MEF2A: variants seen among roughly 807,000 people sequenced by gnomAD.
MEF2A encodes the protein myocyte-specific enhancer factor 2A.
Under a neutral mutation model 55.8 loss-of-function variants are expected in MEF2A, and 28 were observed. The observed-to-expected ratio is 0.50, with a 90% CI of 0.37 to 0.69. The LOEUF (loss-of-function observed/expected upper bound fraction) is 0.69, where lower values mean the gene tolerates loss of function less well. MEF2A is among the 30% of genes least tolerant of loss of function. MEF2A has a pLI of 0.00. For synonymous variants in MEF2A, 239 were observed against 227.1 expected (o/e 1.05, Z -0.47); for missense variants, 528 against 626.2 (o/e 0.84, Z 1.67).
chr15:99,674,634 G>T (rs1192303684), intron 6 of MEF2A, 22 bp downstream of exon 6: 15 of 1,571,456 alleles, frequency 9.5e-6, no homozygotes, highest in Non-Finnish European at 1.3e-5. Context: ...TACCTATTAT[G>T]CTGGTTCTTT....
Position 99,687,073 on chromosome 15 carries a change from TATTA to T in MEF2A, c.671-3164_671-3161del, listed in dbSNP as rs1393466484. Among the ~76,000 whole-genome samples the T allele has an allele frequency of 6.8e-5, 10 of 148,032 alleles. 1 individual carries two copies. Among genetic ancestry groups the T allele is most frequent in the African/African-American group, 2.5e-4 (10 of 40,532 alleles). On this transcript the variant is annotated intron_variant, in intron 7 of 11. Transcript: ENST00000557942. ...ACTACAGGTGCACACCACCATGTCC[TATTA>T]ATTTTTCTTTTTTTTTTTTTTTTTT...
At chr15:99,608,577 A>G (rs1032062229) in intron 2 of MEF2A, among the ~76,000 whole-genome samples, 5 of 152,178 alleles carry the variant, frequency 3.3e-5, no homozygotes, top group Admixed American at 1.3e-4. Flanking sequence ...TATTTTACCT[A>G]AAACATAAGA....
chr15:99,656,521 A>G (rs972915528), intron 4 of MEF2A, among the ~76,000 whole-genome samples: 2 of 152,098 alleles, frequency 1.3e-5, no homozygotes, highest in African/African-American at 4.8e-5. Flanking sequence ...TTGAATAGAA[A>G]TGCTGGCAGC....
intron 2 of MEF2A, among the ~76,000 whole-genome samples, chr15:99,622,020 G>GT (rs1396381054): frequency 2.6e-5 from 4 of 152,098 alleles, no homozygotes; most frequent in Admixed American, 2.6e-4. Context: ...TAAGCAACAA[G>GT]TTTCTTTAAA....
intron 1 of MEF2A, among the ~76,000 whole-genome samples, chr15:99,581,191 T>C (rs1446845035): frequency 6.6e-6 from 1 of 152,170 alleles, no homozygotes; most frequent in African/African-American, 2.4e-5. Context: ...GAGTAAGAAA[T>C]AGACTTAACT....
At chr15:99,602,034 C>A (rs1383046595) in intron 2 of MEF2A, among the ~76,000 whole-genome samples, 1 of 152,014 alleles carries the variant, frequency 6.6e-6, no homozygotes, top group Admixed American at 6.6e-5. Context: ...CTGCATGGGT[C>A]TACGGCAACC....
intron 7 of MEF2A, 32 bp from the exon 8 acceptor site, chr15:99,690,209 C>G: frequency 6.3e-7 from 1 of 1,595,730 alleles, no homozygotes; most frequent in Non-Finnish European, 8.6e-7. Flanking sequence ...AATAACTCTT[C>G]TCACTTTATT....
chr15:99,575,266 A>T (rs139155331), intron 1 of MEF2A, among the ~76,000 whole-genome samples: 3 of 152,264 alleles, frequency 2.0e-5, no homozygotes, highest in South Asian at 4.1e-4. Flanking sequence ...AATATCCTTT[A>T]ATATTTTTCC....
At chr15:99,703,942 C>G (rs1204174693) in intron 9 of MEF2A, among the ~76,000 whole-genome samples, 1 of 152,198 alleles carries the variant, frequency 6.6e-6, no homozygotes, top group Non-Finnish European at 1.5e-5. Flanking sequence ...AGAAGGCGCT[C>G]TTTTCTTAAA....
intron 8 of MEF2A, among the ~76,000 whole-genome samples, chr15:99,692,228 A>T (rs2055618631): frequency 6.6e-6 from 1 of 152,156 alleles, no homozygotes; most frequent in Non-Finnish European, 1.5e-5. Flanking sequence ...CAAGGTAGAG[A>T]TGTGGAAACT....
chr15:99,630,459 T>G (rs569106973), intron 2 of MEF2A, among the ~76,000 whole-genome samples: 43 of 151,506 alleles, frequency 2.8e-4, no homozygotes, highest in Non-Finnish European at 3.8e-4. Flanking sequence ...TTCATTTTAC[T>G]TTTTAATTCC....
chr15:99,607,648 G>A (rs1165453823), intron 2 of MEF2A, among the ~76,000 whole-genome samples: 1 of 152,120 alleles, frequency 6.6e-6, no homozygotes, highest in African/African-American at 2.4e-5. Flanking sequence ...TACAAATGAG[G>A]GAGCATTAAT....
intron 3 of MEF2A, among the ~76,000 whole-genome samples, chr15:99,642,794 T>C (rs1394072967): frequency 6.6e-6 from 1 of 152,252 alleles, no homozygotes; most frequent in Admixed American, 6.5e-5. Flanking sequence ...ACTGCCACTT[T>C]TGTGAAGAAC....
At chr15:99,690,711 T>C (rs575424795) in intron 8 of MEF2A, 3 of 517,778 alleles carry the variant, frequency 5.8e-6, no homozygotes, top group South Asian at 3.1e-5. Flanking sequence ...CATAGAAAGA[T>C]AGATACTGCA....
chr15:99,625,197 G>A (rs969975710), intron 2 of MEF2A, among the ~76,000 whole-genome samples: 3 of 152,144 alleles, frequency 2.0e-5, no homozygotes, highest in Non-Finnish European at 4.4e-5. Context: ...AGTAGCATCT[G>A]TATTCTCTTT....
chr15:99,708,538 T>TTGACCGACTTTA (rs1331021749), intron 10 of MEF2A, among the ~76,000 whole-genome samples: 1 of 152,238 alleles, frequency 6.6e-6, no homozygotes, highest in Non-Finnish European at 1.5e-5. Flanking sequence ...ATGCCACCTT[T>TTGACCGACTTTA]TGACCGACTT....
chr15:99,569,623 C>T (rs989293076), intron 1 of MEF2A, among the ~76,000 whole-genome samples: 47 of 152,244 alleles, frequency 3.1e-4, no homozygotes, highest in African/African-American at 8.7e-4. Flanking sequence ...TCAGTGAATT[C>T]TGTCTTTTAG....
intron 1 of MEF2A, among the ~76,000 whole-genome samples, chr15:99,572,802 A>G (rs754279169): frequency 6.6e-6 from 1 of 152,192 alleles, no homozygotes; most frequent in Admixed American, 6.5e-5. Context: ...TACATGCACT[A>G]TTTGTAGAGT....
At chr15:99,657,027 C>T (rs1221858878) in intron 4 of MEF2A, among the ~76,000 whole-genome samples, 2 of 152,094 alleles carry the variant, frequency 1.3e-5, no homozygotes, top group African/African-American at 2.4e-5. Context: ...TTTACCTGTT[C>T]TGGGAATTTG....
Sources: gnomAD v4.1 joint callset for allele counts (sites outside exome capture counted in the v4.1 genomes callset) on GRCh38, gnomAD v4.1.1 for gene constraint, MANE v1.5 for transcripts, NCBI Gene and HGNC (gene_info 2026-07-23, HGNC 2026-07-21) for gene names.